FRMD4A: variants seen among roughly 807,000 people sequenced by gnomAD.
The protein encoded by FRMD4A is FERM domain-containing protein 4A.
FRMD4A carries 29 observed loss-of-function variants against 129.1 expected under a neutral mutation model. The observed-to-expected ratio is 0.22, with a 90% CI of 0.17 to 0.31. The LOEUF (loss-of-function observed/expected upper bound fraction) is 0.31. Ranked by LOEUF, FRMD4A falls within the 10% of genes least tolerant of loss-of-function variation. The pLI, the probability that FRMD4A is intolerant of heterozygous loss-of-function variation, is 1.00. For missense variants in FRMD4A, 1,272 were observed against 1,375.8 expected, an observed-to-expected ratio of 0.92 and a Z score of 1.19; for synonymous variants, 634 against 571.6, an observed-to-expected ratio of 1.11 and a Z score of -1.56.
At chr10:13,802,692 T>G (rs1564828133) in intron 4 of FRMD4A, among the ~76,000 whole-genome samples, 1 of 152,148 alleles carries the variant, frequency 6.6e-6, no homozygotes, top group Non-Finnish European at 1.5e-5. Flanking sequence ...CGGGCTGGTC[T>G]CAAACTCCTG....
At chr10:14,045,366 C>G (rs1167739703) in intron 2 of FRMD4A, among the ~76,000 whole-genome samples, 2 of 152,072 alleles carry the variant, frequency 1.3e-5, no homozygotes, top group African/African-American at 4.8e-5. Context: ...GTTCAGATGC[C>G]ACTGTCTTCA....
intron 8 of FRMD4A, among the ~76,000 whole-genome samples, chr10:13,757,447 T>C (rs1234921391): frequency 2.0e-5 from 3 of 152,264 alleles, no homozygotes; most frequent in Non-Finnish European, 2.9e-5. Context: ...GTGTGGTCTG[T>C]ATCTCTTCTA....
At chr10:13,965,071 T>TG (rs1034299439) in intron 2 of FRMD4A, among the ~76,000 whole-genome samples, 53 of 151,638 alleles carry the variant, frequency 3.5e-4, no homozygotes, top group African/African-American at 1.2e-3. Flanking sequence ...GGGCATTTTT[T>TG]TTTTTTTTTT....
intron 3 of FRMD4A, among the ~76,000 whole-genome samples, chr10:13,811,286 A>G (rs975539294): frequency 7.2e-6 from 1 of 139,422 alleles, no homozygotes; most frequent in African/African-American, 2.7e-5. Flanking sequence ...GCCACCACGC[A>G]TGGCTTTTTT....
At chr10:14,223,767 G>A (rs867149948) in intron 2 of FRMD4A, among the ~76,000 whole-genome samples, 25,517 of 112,086 alleles carry the variant, frequency 0.23, 3,262 homozygotes, top group Non-Finnish European at 0.26. Flanking sequence ...AAAAAAAAGA[G>A]AGAGAGAGAG....
At chr10:13,844,943 T>C (rs1413563075) in intron 3 of FRMD4A, among the ~76,000 whole-genome samples, 1 of 152,210 alleles carries the variant, frequency 6.6e-6, no homozygotes. Flanking sequence ...AGTAATGGGC[T>C]GGAAAGACCA....
intron 8 of FRMD4A, among the ~76,000 whole-genome samples, chr10:13,757,557 G>A (rs1408146089): frequency 6.6e-6 from 1 of 152,200 alleles, no homozygotes; most frequent in Non-Finnish European, 1.5e-5. Context: ...AAGGAAGTGA[G>A]CTATTTTGTT....
intron 2 of FRMD4A, among the ~76,000 whole-genome samples, chr10:13,959,940 T>G (rs934446659): frequency 6.6e-6 from 1 of 152,142 alleles, no homozygotes; most frequent in Admixed American, 6.5e-5. Flanking sequence ...GACCAGTAGA[T>G]GCCGTGGAAA....
chr10:14,203,822 C>T (rs1205034594), intron 2 of FRMD4A, among the ~76,000 whole-genome samples: 1 of 152,206 alleles, frequency 6.6e-6, no homozygotes, highest in Non-Finnish European at 1.5e-5. Context: ...AAACGCTCCT[C>T]CTCGAAAAGC....
chr10:14,309,100 A>C (rs1412825025), intron 2 of FRMD4A, among the ~76,000 whole-genome samples: 1 of 152,222 alleles, frequency 6.6e-6, no homozygotes, highest in Non-Finnish European at 1.5e-5. Context: ...TAAAGATGTT[A>C]GGGGACAGAG....
chr10:13,937,233 G>A (rs1422584412), intron 2 of FRMD4A, among the ~76,000 whole-genome samples: 2 of 152,188 alleles, frequency 1.3e-5, no homozygotes, highest in Admixed American at 1.3e-4. Context: ...TTCAATAACA[G>A]CAACCCTCAG....
At chr10:14,311,568 C>T (rs960692913) in intron 2 of FRMD4A, among the ~76,000 whole-genome samples, 1 of 135,144 alleles carries the variant, frequency 7.4e-6, no homozygotes, top group Admixed American at 7.3e-5. Flanking sequence ...ACCCCCCACC[C>T]TCCCACCCAC....
chr10:13,734,159 C>T (rs997832746), intron 12 of FRMD4A, among the ~76,000 whole-genome samples: 4 of 152,140 alleles, frequency 2.6e-5, no homozygotes, highest in Admixed American at 1.3e-4. Flanking sequence ...TCATGGCCTC[C>T]CTCTTCCGCC....
chr10:13,927,305 T>A (rs544025603), intron 2 of FRMD4A, among the ~76,000 whole-genome samples: 1 of 152,294 alleles, frequency 6.6e-6, no homozygotes, highest in South Asian at 2.1e-4. Flanking sequence ...TGTCATCATT[T>A]GCTCCCCTAA....
chr10:14,015,856 T>C (rs1226927580), intron 2 of FRMD4A, among the ~76,000 whole-genome samples: 1 of 152,186 alleles, frequency 6.6e-6, no homozygotes, highest in Non-Finnish European at 1.5e-5. Context: ...CTTTATCAAA[T>C]AGGTACTCTT....
rs189107342 is a variant in FRMD4A at position 13,755,750 on chromosome 10, G to C, written c.464+5897C>G. ...GACTGACACCACAGGTATACACTAA[G>C]ATTTCTTAGCCGACACTCACTAAGC... On this transcript the variant is annotated intron_variant, in intron 8 of 24. Coordinates refer to ENST00000357447, the MANE Select transcript of FRMD4A (RefSeq NM_018027.5). Among the ~76,000 whole-genome samples the C allele has an allele frequency of 4.8e-3, 738 of 152,314 alleles. 10 individuals carry two copies. Among genetic ancestry groups the C allele is most frequent in the African/African-American group, 0.016 (684 of 41,556 alleles).
chr10:14,316,879 T>C (rs527830202), intron 2 of FRMD4A, among the ~76,000 whole-genome samples: 1 of 152,236 alleles, frequency 6.6e-6, no homozygotes, highest in Non-Finnish European at 1.5e-5. Context: ...TGTCCTGTTT[T>C]AAAGCCAGTT....
At chr10:14,282,379 A>C (rs984012389) in intron 2 of FRMD4A, among the ~76,000 whole-genome samples, 1 of 152,190 alleles carries the variant, frequency 6.6e-6, no homozygotes, top group Non-Finnish European at 1.5e-5. Context: ...TGCAGACAAG[A>C]TAAACTAGCA....
At chr10:13,750,361 T>C (rs936208782) in intron 8 of FRMD4A, among the ~76,000 whole-genome samples, 8 of 152,060 alleles carry the variant, frequency 5.3e-5, no homozygotes, top group African/African-American at 1.4e-4. Flanking sequence ...ATGGAAAGAA[T>C]TGTAGAGGAT....
Sources: gnomAD v4.1 joint callset for allele counts (sites outside exome capture counted in the v4.1 genomes callset) on GRCh38, gnomAD v4.1.1 for gene constraint, MANE v1.5 for transcripts, NCBI Gene and HGNC (gene_info 2026-07-23, HGNC 2026-07-21) for gene names.